NAAA: variants seen among roughly 807,000 people sequenced by gnomAD.
NAAA encodes the protein N-acylethanolamine acid amidase.
In NAAA, 39 loss-of-function variants were observed where a neutral mutation model predicts 44.8. The ratio of observed to expected loss-of-function variants is 0.87; its 90% CI spans 0.67 to 1.14. The LOEUF is 1.14. Ranked by LOEUF, NAAA falls within the 50% of genes most tolerant of loss-of-function variation. The probability of loss-of-function intolerance (pLI) is 0.00; values close to 1 mark genes in which losing one functional copy is unlikely to be tolerated. For missense variants in NAAA, 460 were observed against 467.8 expected, an observed-to-expected ratio of 0.98 and a Z score of 0.15; for synonymous variants, 178 against 191.3, an observed-to-expected ratio of 0.93 and a Z score of 0.58.
chr4:75,918,401 G>A (rs905624028), intron 9 of NAAA, among the ~76,000 whole-genome samples: 8 of 152,210 alleles, frequency 5.3e-5, no homozygotes, highest in African/African-American at 1.7e-4. Context: ...CTTGCAGTGA[G>A]CCGAGATTGC....
intron 4 of NAAA, among the ~76,000 whole-genome samples, chr4:75,927,175 C>G (rs567091680): frequency 6.6e-6 from 1 of 152,090 alleles, no homozygotes; most frequent in Non-Finnish European, 1.5e-5. Context: ...TACTATTGGC[C>G]AGGTATAGTG....
At position 75,918,898 on chromosome 4, in the gene NAAA, T is replaced by A. The variant is rs536541169; in HGVS notation, c.970-109A>T. 108 of 1,054,104 alleles carry A rather than the reference T, an allele frequency of 1.0e-4. No individual in the cohort carries two copies. In the East Asian group the frequency reaches 2.2e-3, roughly 21 times the overall value. The allele number at this position is 1,054,104 out of a possible 1,614,324, so 65.3% of individuals were successfully genotyped here. The stretch of plus-strand genomic sequence containing the variant: ...TGGCTCAGGCCTGTAATCCCAGCAC[T>A]TTGGGAAGCCGACGTGGGAGGATTA... On this transcript the variant is annotated intron_variant, in intron 8 of 10. Coordinates refer to ENST00000286733, the MANE Select transcript of NAAA (RefSeq NM_014435.4).
At chr4:75,935,695 T>G (rs1273053279) in intron 3 of NAAA, 2 of 196,000 alleles carry the variant, frequency 1.0e-5, no homozygotes, top group Non-Finnish European at 2.0e-5. Flanking sequence ...ACAAAGGAAG[T>G]ACAGTAATTG....
intron 2 of NAAA, chr4:75,939,716 T>C (rs1214826260): frequency 5.3e-6 from 2 of 374,900 alleles, no homozygotes; most frequent in Admixed American, 7.3e-5. Flanking sequence ...CGCCCGGCCT[T>C]TGAGCAGAAT....
At chr4:75,916,486 T>C (rs1476200399) in intron 9 of NAAA, 2 of 152,242 alleles carry the variant, frequency 1.3e-5, no homozygotes, top group Admixed American at 6.5e-5. Context: ...TCAGAAACCA[T>C]TTAAACATTC....
chr4:75,936,674 A>T (rs895891138), intron 2 of NAAA, among the ~76,000 whole-genome samples: 23 of 152,214 alleles, frequency 1.5e-4, no homozygotes, highest in Admixed American at 5.2e-4. Context: ...ATAAAGTAAC[A>T]CTAAACCATT....
Position 75,921,073 on chromosome 4 carries a change from C to T in NAAA, c.717G>A (p.Lys239=). 6.3e-7 allele frequency: 1 copy of T among 1,592,710 alleles called. No homozygotes were observed. The highest frequency in any genetic ancestry group is 8.5e-7 in the Non-Finnish European group (1 of 1,174,090). ...NFEAAVGKLA[K]TPLIADVYYI... ...AATAAACATCAGCAATAAGGGGAGT[C>T]TTGGCCAACTTGCCAACAGCTGCTT... Residue 239 remains lysine (K), a synonymous_variant, in exon 6 of 11, where the codon AAG becomes AAA. Coordinates refer to ENST00000286733, the MANE Select transcript of NAAA (RefSeq NM_014435.4).
At chr4:75,932,952 C>T (rs926822251) in intron 3 of NAAA, among the ~76,000 whole-genome samples, 6 of 152,128 alleles carry the variant, frequency 3.9e-5, no homozygotes, top group South Asian at 2.1e-4. Context: ...CTGGCCAACA[C>T]GGTGAAACTC....
chr4:75,932,388 G>A (rs1188166340), intron 3 of NAAA, among the ~76,000 whole-genome samples: 1 of 152,076 alleles, frequency 6.6e-6, no homozygotes, highest in Non-Finnish European at 1.5e-5. Context: ...CTTTAACAAA[G>A]CTCTTTCATT....
chr4:75,913,710 A>G lies in NAAA; in HGVS notation c.*665T>C, dbSNP rs74552796. ...TTGCCAACATTTCTTTTGACATTTTATTACTTAATTATGTGACATTAAGAA... is the reference window on the plus strand; with the variant it reads ...TTGCCAACATTTCTTTTGACATTTTGTTACTTAATTATGTGACATTAAGAA... On this transcript the variant is annotated 3_prime_UTR_variant, in exon 11 of 11. Transcript: ENST00000286733. The G allele has an allele frequency of 4.1e-6, 4 of 982,196 alleles. No individual in the cohort carries two copies. In the African/African-American group the frequency reaches 7.0e-5, roughly 17 times the overall value. The allele number at this position is 982,196 out of a possible 1,614,324, so 60.8% of individuals were successfully genotyped here.
intron 9 of NAAA, among the ~76,000 whole-genome samples, chr4:75,915,921 G>T (rs190325788): frequency 6.6e-6 from 1 of 152,176 alleles, no homozygotes; most frequent in African/African-American, 2.4e-5. Flanking sequence ...GCAAAATATC[G>T]GAGCTGGGTT....
rs567624305 is a variant in NAAA, at chr4:75,933,412, T to A, written c.499-2108A>T. Among the ~76,000 whole-genome samples, 5 of 152,240 alleles carry A rather than the reference T, an allele frequency of 3.3e-5. No homozygotes were observed. The East Asian group carries it at 7.7e-4, about 24-fold the overall frequency. ...TGAGGACCTCCATGAATGTCTCATC[T>A]CCACGCATGGTGGTAAAGCAGAAAT... On this transcript the variant is annotated intron_variant, in intron 3 of 10. Coordinates refer to ENST00000286733, the MANE Select transcript of NAAA (RefSeq NM_014435.4).
intron 3 of NAAA, 104 bp downstream of exon 3, chr4:75,936,005 G>A: frequency 1.4e-6 from 2 of 1,408,940 alleles, no homozygotes; most frequent in Non-Finnish European, 2.0e-6. Flanking sequence ...ATTTTTTTGT[G>A]TCTTACACTG....
chr4:75,928,768 G>A (rs1270835018), intron 4 of NAAA, among the ~76,000 whole-genome samples: 1 of 150,814 alleles, frequency 6.6e-6, no homozygotes, highest in East Asian at 2.0e-4. Flanking sequence ...CCTCATAGCA[G>A]CTATTATCAT....
rs532490721 is a variant in NAAA, at chr4:75,932,595, A to G, written c.499-1291T>C. ...CCTCCTGGGCTCAAGCAATCCTCCC[A>G]CCTCAGTTTTCCAAGTAGCTGGGAC... On this transcript the variant is annotated intron_variant, in intron 3 of 10. Coordinates refer to ENST00000286733, the MANE Select transcript of NAAA (RefSeq NM_014435.4). Among the ~76,000 whole-genome samples, 20 of 151,812 alleles carry G rather than the reference A, an allele frequency of 1.3e-4. No individual in the cohort carries two copies. In the East Asian group the frequency reaches 2.5e-3, roughly 19 times the overall value.
chr4:75,929,829 C>T (rs1727069834), intron 4 of NAAA, among the ~76,000 whole-genome samples: 1 of 152,154 alleles, frequency 6.6e-6, no homozygotes, highest in Non-Finnish European at 1.5e-5. Context: ...GTGGTTCACG[C>T]CTGTAATCCC....
chr4:75,910,927 T>A (rs994460730), downstream of NAAA, among the ~76,000 whole-genome samples: 1 of 152,112 alleles, frequency 6.6e-6, no homozygotes, highest in Non-Finnish European at 1.5e-5. Flanking sequence ...GGTGGTAGGA[T>A]TATCATTAGT....
chr4:75,919,883 A>T (rs1193724664), intron 8 of NAAA, 26 bp downstream of exon 8: 1 of 1,591,640 alleles, frequency 6.3e-7, no homozygotes, highest in East Asian at 2.2e-5. Context: ...CATCCTAGGT[A>T]TGCAGGACAC....
At chr4:75,915,097 A>G in intron 9 of NAAA, 112 bp from the exon 10 acceptor site, 1 of 753,334 alleles carries the variant, frequency 1.3e-6, no homozygotes. Flanking sequence ...AAGGCCCTTT[A>G]TGCCAGAATA....
Sources: allele counts gnomAD v4.1 joint callset (sites outside exome capture counted in the v4.1 genomes callset), GRCh38; gene constraint gnomAD v4.1.1; transcripts MANE v1.5; gene names NCBI Gene and HGNC (gene_info 2026-07-23, HGNC 2026-07-21).